MDGA2: variants seen among roughly 807,000 people sequenced by gnomAD.
MDGA2 encodes MAM domain containing glycosylphosphatidylinositol anchor 2, also known as MAM domain-containing glycosylphosphatidylinositol anchor protein 2.
Under a neutral mutation model 117.8 loss-of-function variants are expected in MDGA2, and 40 were observed. The ratio of observed to expected loss-of-function variants is 0.34; its 90% CI spans 0.26 to 0.44. The LOEUF is 0.44. MDGA2 is among the 20% of genes least tolerant of loss of function. The probability of loss-of-function intolerance (pLI) is 1.00; values close to 1 mark genes in which losing one functional copy is unlikely to be tolerated. For synonymous variants in MDGA2, 452 were observed against 439.0 expected (o/e 1.03, Z -0.37); for missense variants, 1,123 against 1,250.6 (o/e 0.90, Z 1.54).
intron 1 of MDGA2, among the ~76,000 whole-genome samples, chr14:47,388,820 C>T (rs559796272): frequency 6.6e-6 from 1 of 152,142 alleles, no homozygotes; most frequent in East Asian, 1.9e-4. Flanking sequence ...CAAAGCAACG[C>T]CACTTTGGCC....
At chr14:47,198,291 G>T (rs866062766) in intron 3 of MDGA2, among the ~76,000 whole-genome samples, 4 of 152,114 alleles carry the variant, frequency 2.6e-5, no homozygotes, top group Non-Finnish European at 5.9e-5. Context: ...AATGATTGAG[G>T]GCTGGACATG....
intron 1 of MDGA2, among the ~76,000 whole-genome samples, chr14:47,356,944 A>T (rs1891007994): frequency 6.6e-6 from 1 of 152,210 alleles, no homozygotes; most frequent in African/African-American, 2.4e-5. Context: ...GCAGACTATC[A>T]TATAGCACTC....
intron 2 of MDGA2, among the ~76,000 whole-genome samples, chr14:47,274,503 C>T (rs773003982): frequency 6.6e-5 from 10 of 151,930 alleles, no homozygotes; most frequent in Non-Finnish European, 1.5e-4. Context: ...GGGTTGTTTC[C>T]ACTTTTTGGT....
At chr14:47,255,961 C>A (rs557890688) in intron 2 of MDGA2, among the ~76,000 whole-genome samples, 2 of 151,960 alleles carry the variant, frequency 1.3e-5, no homozygotes, top group South Asian at 4.1e-4. Context: ...TTAAATTGAC[C>A]CATTTCCTGC....
intron 1 of MDGA2, among the ~76,000 whole-genome samples, chr14:47,445,387 T>C (rs924040059): frequency 2.6e-5 from 4 of 152,176 alleles, no homozygotes; most frequent in Non-Finnish European, 5.9e-5. Flanking sequence ...ACACACATTG[T>C]TCAGAGAATA....
intron 1 of MDGA2, among the ~76,000 whole-genome samples, chr14:47,624,819 T>C (rs1160078431): frequency 2.6e-5 from 4 of 152,158 alleles, no homozygotes; most frequent in South Asian, 2.1e-4. Context: ...CTGTAGTACA[T>C]AGAAATAAAG....
At chr14:47,068,795 A>G (rs1432654387) in intron 6 of MDGA2, among the ~76,000 whole-genome samples, 1 of 152,188 alleles carries the variant, frequency 6.6e-6, no homozygotes, top group African/African-American at 2.4e-5. Flanking sequence ...CATCCTTAAT[A>G]TTTATGAAAT....
chr14:47,469,234 C>T (rs918820998), intron 1 of MDGA2, among the ~76,000 whole-genome samples: 6 of 151,648 alleles, frequency 4.0e-5, no homozygotes, highest in Admixed American at 6.6e-5. Flanking sequence ...TATACATGTG[C>T]CATGTTGGTG....
intron 2 of MDGA2, among the ~76,000 whole-genome samples, chr14:47,287,262 A>G (rs950655896): frequency 6.6e-6 from 1 of 152,068 alleles, no homozygotes; most frequent in Non-Finnish European, 1.5e-5. Context: ...AGAGGTGACA[A>G]ATAAGGTGTT....
At chr14:47,222,431 C>A (rs1338407962) in intron 2 of MDGA2, among the ~76,000 whole-genome samples, 1 of 151,910 alleles carries the variant, frequency 6.6e-6, no homozygotes, top group Non-Finnish European at 1.5e-5. Flanking sequence ...AAGTACAGAG[C>A]CACTAAAGAC....
At chr14:46,867,190 C>T (rs541599242) in intron 14 of MDGA2, among the ~76,000 whole-genome samples, 3 of 152,274 alleles carry the variant, frequency 2.0e-5, no homozygotes, top group African/African-American at 4.8e-5. Flanking sequence ...GGCACACATA[C>T]ACCATGGAAT....
chr14:47,456,195 T>C (rs556275137), intron 1 of MDGA2, among the ~76,000 whole-genome samples: 47 of 152,126 alleles, frequency 3.1e-4, no homozygotes, highest in African/African-American at 9.6e-4. Flanking sequence ...GGGGATATAA[T>C]ATTTTAGATT....
chr14:47,510,039 T>A (rs1264433278), intron 1 of MDGA2, among the ~76,000 whole-genome samples: 3 of 152,134 alleles, frequency 2.0e-5, no homozygotes, highest in Non-Finnish European at 2.9e-5. Flanking sequence ...GATATTTGTG[T>A]CTCATGAAAA....
rs541797185 is a variant in MDGA2 at position 47,266,843 on chromosome 14, C to G, written c.420+34568G>C. Among the ~76,000 whole-genome samples the G allele has an allele frequency of 2.2e-4, 33 of 152,280 alleles. No individual in the cohort carries two copies. In the South Asian group the frequency reaches 6.4e-3, roughly 30 times the overall value. On this transcript the variant is annotated intron_variant, in intron 2 of 16. Coordinates refer to ENST00000399232, the MANE Select transcript of MDGA2 (RefSeq NM_001113498.3). ...TCAACTTTCAACTTCACTCTTTATG[C>G]ATAGCCTTTTTGGGCTCTCAAAGTC...
At chr14:47,122,922 T>C (rs1881725901) in intron 5 of MDGA2, among the ~76,000 whole-genome samples, 1 of 152,074 alleles carries the variant, frequency 6.6e-6, no homozygotes. Context: ...ACAAAATACA[T>C]GGTCTGGACT....
rs1491236673 is a variant in MDGA2, at chr14:47,286,824, T to TATATAC, written c.420+14586_420+14587insGTATAT. Among the ~76,000 whole-genome samples, 77 of 104,204 alleles carry TATATAC rather than the reference T, an allele frequency of 7.4e-4. 3 individuals carry two copies. In the South Asian group the frequency reaches 9.9e-3, roughly 13 times the overall value. 68.4% of individuals were successfully genotyped at this position (104,204 alleles called of 152,430 possible). On this transcript the variant is annotated intron_variant, in intron 2 of 16. Transcript: ENST00000399232. ...ATCATTATATATATATATATATATA[T>TATATAC]ACATATATATATGTATATATATATA...
chr14:46,948,269 T>G (rs1291234976), intron 9 of MDGA2, among the ~76,000 whole-genome samples: 1 of 152,066 alleles, frequency 6.6e-6, no homozygotes, highest in Non-Finnish European at 1.5e-5. Context: ...GCTTTCATAA[T>G]TGTTTTGCTC....
chr14:47,242,960 G>A lies in MDGA2; in HGVS notation c.421-24765C>T, dbSNP rs561808294. Among the ~76,000 whole-genome samples, 48 of 151,892 alleles carry A rather than the reference G, an allele frequency of 3.2e-4. No individual in the cohort carries two copies. In the South Asian group the frequency reaches 6.5e-3, roughly 21 times the overall value. ...TATATTTAGTTCAGGGATTGTAAAT[G>A]CACCAATCAGCACCCTGTGTTTAGC... On this transcript the variant is annotated intron_variant, in intron 2 of 16. Coordinates refer to ENST00000399232, the MANE Select transcript of MDGA2 (RefSeq NM_001113498.3).
chr14:47,151,476 T>A (rs1883161800), intron 3 of MDGA2, among the ~76,000 whole-genome samples: 1 of 152,192 alleles, frequency 6.6e-6, no homozygotes, highest in South Asian at 2.1e-4. Flanking sequence ...TAAATGTAGT[T>A]CAGGAAGCAT....
Sources: gnomAD v4.1 joint callset for allele counts (sites outside exome capture counted in the v4.1 genomes callset) on GRCh38, gnomAD v4.1.1 for gene constraint, MANE v1.5 for transcripts, NCBI Gene and HGNC (gene_info 2026-07-23, HGNC 2026-07-21) for gene names.